Variants in ALDH1L1 observed in about 807,000 individuals in gnomAD.
ALDH1L1 encodes the protein aldehyde dehydrogenase 1 family member L1, also known as cytosolic 10-formyltetrahydrofolate dehydrogenase.
A neutral mutation model predicts 101.1 loss-of-function variants in ALDH1L1; 68 were observed. The ratio of observed to expected loss-of-function variants is 0.67; its 90% CI spans 0.55 to 0.82. The LOEUF (loss-of-function observed/expected upper bound fraction) is 0.82. Among genes scored for constraint, ALDH1L1 ranks in the 40% least tolerant of loss-of-function variants. ALDH1L1 has a pLI of 0.00. For synonymous variants in ALDH1L1, 486 were observed against 470.8 expected, an observed-to-expected ratio of 1.03 and a Z score of -0.42; for missense variants, 1,087 against 1,172.7, an observed-to-expected ratio of 0.93 and a Z score of 1.07.
intron 19 of ALDH1L1, among the ~76,000 whole-genome samples, chr3:126,111,408 A>G (rs6438972): frequency 0.67 from 101,496 of 152,196 alleles, 35,468 homozygotes; most frequent in African/African-American, 0.9. Context: ...CCACGAAGCC[A>G]CCCGCTGCCC....
At chr3:126,110,304 A>G in intron 19 of ALDH1L1, 195 bp from the exon 20 acceptor site, 1 of 670,780 alleles carries the variant, frequency 1.5e-6, no homozygotes, top group Non-Finnish European at 2.5e-6. Context: ...GTAGAGGGAC[A>G]GAAGTCTCCA....
chr3:126,139,666 AG>A (rs2080525615), intron 9 of ALDH1L1, among the ~76,000 whole-genome samples: 1 of 152,210 alleles, frequency 6.6e-6, no homozygotes. Flanking sequence ...AAAAAACTAA[AG>A]GAAATCAAGA....
intron 7 of ALDH1L1, chr3:126,151,216 A>AT (rs1294306701): frequency 6.6e-6 from 1 of 152,244 alleles, no homozygotes; most frequent in Non-Finnish European, 1.5e-5. Flanking sequence ...AGAAAAAAAA[A>AT]CTAATCTTGC....
At chr3:126,185,303 C>T (rs939445526), upstream of ALDH1L1, among the ~76,000 whole-genome samples, 1 of 152,208 alleles carries the variant, frequency 6.6e-6, no homozygotes, top group Non-Finnish European at 1.5e-5. Flanking sequence ...TGGCACATGG[C>T]CCCCAGAAAC....
chr3:126,131,397 C>T lies in ALDH1L1; in HGVS notation c.1610G>A (p.Cys537Tyr). Residue 537 changes from cysteine (C) to tyrosine (Y), a missense_variant, in exon 13 of 23, where the codon TGT becomes TAT. Cys to Tyr is a radical substitution (Grantham distance 194, BLOSUM62 -2). Around this residue, in one of 2 missense-constraint regions of ALDH1L1, gnomAD observed 442 missense variants for 535.7 expected, o/e 0.83. Coordinates refer to ENST00000393434, the MANE Select transcript of ALDH1L1 (RefSeq NM_012190.4). ...CCTGGGCCCCACCTGGATCTTGTCA[C>T]ACCAGCCAGCAAAGTAGCGGAAGGT... ...IQTFRYFAGWCDKIQGSTIPI... is the reference protein window; with the variant it reads ...IQTFRYFAGWYDKIQGSTIPI... 6.2e-7 allele frequency: 1 copy of T among 1,603,988 alleles called. No individual in the cohort carries two copies. Among genetic ancestry groups the T allele is most frequent in the Non-Finnish European group, 8.5e-7 (1 of 1,171,938 alleles).
chr3:126,171,169 A>G (rs1176233035), intron 1 of ALDH1L1, among the ~76,000 whole-genome samples: 1 of 152,190 alleles, frequency 6.6e-6, no homozygotes, highest in Non-Finnish European at 1.5e-5. Context: ...GTGGTGGCGC[A>G]TGCCTGTAGT....
At position 126,115,092 on chromosome 3, in the gene ALDH1L1, C is replaced by T. The variant is rs6781588; in HGVS notation, c.1983-436G>A. 2,440 of 457,276 alleles carry T rather than the reference C, an allele frequency of 5.3e-3. 47 individuals are homozygous for T. The highest frequency in any genetic ancestry group is 0.044 in the African/African-American group (2,207 of 50,208). The allele number at this position is 457,276 out of a possible 1,614,324, so 28.3% of individuals were successfully genotyped here. A position where few individuals can be genotyped will look rare whatever the true frequency, so the allele number is the denominator to read the frequency against. On this transcript the variant is annotated intron_variant, in intron 17 of 22. Transcript: ENST00000393434. ...CGCATCTGTCTGGGTCCTATTACAGCCCCGGTGCCAAGCACAGTGCCTGCA... is the reference window on the plus strand; with the variant it reads ...CGCATCTGTCTGGGTCCTATTACAGTCCCGGTGCCAAGCACAGTGCCTGCA...
rs374192842 is a variant in ALDH1L1 at position 126,122,244 on chromosome 3, AAAGC to A, written c.1888+2116_1888+2119del. Among the ~76,000 whole-genome samples the A allele has an allele frequency of 5.3e-3, 815 of 152,352 alleles. 7 individuals are homozygous for A. Among genetic ancestry groups the A allele is most frequent in the African/African-American group, 0.018 (743 of 41,584 alleles). Reference sequence around the variant, plus strand: ...AGACAGTAGTCAGAATCCACAGGAAAAAGCAAGGAGCACTGTAAAGGTAATTAGG... The same window carrying A: ...AGACAGTAGTCAGAATCCACAGGAAAAAGGAGCACTGTAAAGGTAATTAGG... On this transcript the variant is annotated intron_variant, in intron 16 of 22. Transcript: ENST00000393434.
intron 2 of ALDH1L1, among the ~76,000 whole-genome samples, chr3:126,160,052 C>A (rs1194276593): frequency 1.3e-5 from 2 of 152,192 alleles, no homozygotes; most frequent in African/African-American, 4.8e-5. Context: ...TTCATCCAAG[C>A]TGAGGCCCCT....
At chr3:126,150,816 C>T in intron 7 of ALDH1L1, 1 of 300,820 alleles carries the variant, frequency 3.3e-6, no homozygotes. Flanking sequence ...CCTTGGCCTC[C>T]CAAAGTGCTG....
chr3:126,192,375 G>A (rs4468935), intron 1 of ALDH1L1, among the ~76,000 whole-genome samples: 94,637 of 151,992 alleles, frequency 0.62, 29,533 homozygotes, highest in Middle Eastern at 0.67. Context: ...AGAATGATCG[G>A]TTTAGACTTT....
intron 1 of ALDH1L1, among the ~76,000 whole-genome samples, chr3:126,172,906 G>A (rs751643000): frequency 9.2e-5 from 14 of 152,020 alleles, no homozygotes; most frequent in African/African-American, 1.9e-4. Context: ...TACATCAAAC[G>A]TCTCTTCATA....
Position 126,107,246 on chromosome 3 carries a change from C to G in ALDH1L1, c.2348G>C (p.Gly783Ala). 6.2e-7 allele frequency: 1 copy of G among 1,613,282 alleles called. No homozygotes were observed. The highest frequency in any genetic ancestry group is 8.5e-7 in the Non-Finnish European group (1 of 1,179,474). Reference protein sequence around the residue: ...VCGGNQVPRPGFFFEPTVFTD... With the variant: ...VCGGNQVPRPAFFFEPTVFTD... ...GAAAACAGTTGGCTCAAAGAAGAACCCTGCAAGAGAGATAAAAGCCCGTTG... is the reference window on the plus strand; with the variant it reads ...GAAAACAGTTGGCTCAAAGAAGAACGCTGCAAGAGAGATAAAAGCCCGTTG... The change falls in exon 21 of 23, where the codon GGG (glycine) becomes GCG (alanine). Residue 783 changes from glycine to alanine, a missense_variant and splice_region_variant. By Grantham distance (60) the Gly-to-Ala change is moderately conservative. This residue lies in a region of ALDH1L1 where 442 missense variants were observed against 535.7 expected (regional missense o/e 0.83). Coordinates refer to ENST00000393434, the MANE Select transcript of ALDH1L1 (RefSeq NM_012190.4).
At chr3:126,134,824 A>T (rs1047067334) in intron 12 of ALDH1L1, among the ~76,000 whole-genome samples, 17 of 152,068 alleles carry the variant, frequency 1.1e-4, no homozygotes, top group African/African-American at 4.1e-4. Flanking sequence ...AGGCCCCAAG[A>T]CACCTGTGTT....
At chr3:126,186,720 C>T (rs2081520870) in intron 1 of ALDH1L1, among the ~76,000 whole-genome samples, 1 of 152,164 alleles carries the variant, frequency 6.6e-6, no homozygotes, top group Admixed American at 6.5e-5. Flanking sequence ...GGGGCTGCAG[C>T]CCTCCCAGGT....
At chr3:126,182,237 C>T (rs926565607), upstream of ALDH1L1, among the ~76,000 whole-genome samples, 1 of 152,186 alleles carries the variant, frequency 6.6e-6, no homozygotes, top group Non-Finnish European at 1.5e-5. Flanking sequence ...CCCTCCACCT[C>T]CTAGGTTCAA....
At chr3:126,125,192 C>T (rs1200168026) in intron 15 of ALDH1L1, among the ~76,000 whole-genome samples, 2 of 152,204 alleles carry the variant, frequency 1.3e-5, no homozygotes, top group African/African-American at 4.8e-5. Flanking sequence ...ATGGGGACCA[C>T]GAATCCCACC....
At chr3:126,160,594 TG>T in intron 2 of ALDH1L1, 1 of 460,214 alleles carries the variant, frequency 2.2e-6, no homozygotes, top group South Asian at 3.8e-5. Flanking sequence ...GGGACCAGGC[TG>T]GGCTTCTCTA....
intron 17 of ALDH1L1, 135 bp from the exon 18 acceptor site, chr3:126,114,791 A>ACCCCCCCCCCCCCCCCCCCCCCCCCC: frequency 1.7e-6 from 1 of 600,068 alleles, no homozygotes; most frequent in Non-Finnish European, 2.8e-6. Flanking sequence ...GTGCCTCCCC[A>ACCCCCCCCCCCCCCCCCCCCCCCCCC]CTCCCCCCCA....
Sources: allele counts gnomAD v4.1 joint callset (sites outside exome capture counted in the v4.1 genomes callset), GRCh38; gene constraint gnomAD v4.1.1; regional missense constraint gnomAD v4.1.1; transcripts MANE v1.5; gene names NCBI Gene and HGNC (gene_info 2026-07-23, HGNC 2026-07-21).